The following ATP10B variants were observed in gnomAD, a reference collection of about 807,000 sequenced individuals.
ATP10B encodes the protein phospholipid-transporting ATPase VB.
ATP10B carries 122 observed loss-of-function variants against 141.2 expected under a neutral mutation model. The observed-to-expected ratio is 0.86, with a 90% CI of 0.75 to 1.00. The LOEUF (loss-of-function observed/expected upper bound fraction) is 1.00, where lower values mean the gene tolerates loss of function less well. Ranked by LOEUF, ATP10B falls within the 50% of genes least tolerant of loss-of-function variation. The pLI, the probability that ATP10B is intolerant of heterozygous loss-of-function variation, is 0.00. For synonymous variants in ATP10B, 685 were observed against 692.0 expected (o/e 0.99, Z 0.16); for missense variants, 1,876 against 1,825.3 (o/e 1.03, Z -0.51).
chr5:160,813,786 T>C (rs1047632179), intron 1 of ATP10B, among the ~76,000 whole-genome samples: 2 of 152,148 alleles, frequency 1.3e-5, no homozygotes, highest in African/African-American at 4.8e-5. Context: ...GAGACAAAAC[T>C]TCTGGAGGAA....
chr5:160,723,781 C>G (rs774392958), intron 2 of ATP10B, among the ~76,000 whole-genome samples: 4 of 152,148 alleles, frequency 2.6e-5, no homozygotes, highest in African/African-American at 4.8e-5. Context: ...TATCTCCTAC[C>G]TGATTGCACT....
intron 3 of ATP10B, chr5:160,692,637 A>C (rs1764135875): frequency 6.6e-6 from 1 of 152,256 alleles, no homozygotes. Flanking sequence ...TCAGATTCTG[A>C]AGTCCGGTGA....
At chr5:160,675,912 A>C (rs1763005772) in intron 6 of ATP10B, among the ~76,000 whole-genome samples, 1 of 152,072 alleles carries the variant, frequency 6.6e-6, no homozygotes, top group East Asian at 1.9e-4. Context: ...CTGGGCTGGA[A>C]ATAGTGGAGG....
At chr5:160,737,436 T>C (rs1368014488) in intron 2 of ATP10B, among the ~76,000 whole-genome samples, 1 of 152,052 alleles carries the variant, frequency 6.6e-6, no homozygotes, top group Non-Finnish European at 1.5e-5. Context: ...ATAAAAGACA[T>C]CCAAACTGGA....
At chr5:160,610,748 A>G (rs749632323) in intron 18 of ATP10B, among the ~76,000 whole-genome samples, 25 of 152,322 alleles carry the variant, frequency 1.6e-4, no homozygotes, top group Non-Finnish European at 3.5e-4. Context: ...ATTATTAACA[A>G]TATTGCAATA....
chr5:160,767,184 T>C lies in ATP10B; in HGVS notation c.-331+18375A>G, dbSNP rs138085979. 7.9e-3 allele frequency among the ~76,000 whole-genome samples: 1,208 copies of C among 152,346 alleles called. 6 individuals are homozygous for C. The highest frequency in any genetic ancestry group is 0.017 in the Middle Eastern group (5 of 294). On this transcript the variant is annotated intron_variant, in intron 2 of 25. Coordinates refer to ENST00000327245, the MANE Select transcript of ATP10B (RefSeq NM_025153.3). ...TTAATACATTTGTGTTGGGCTGCAT[T>C]CTAAGCTGCTCTGGGTAACGGGTTG...
intron 2 of ATP10B, among the ~76,000 whole-genome samples, chr5:160,769,652 C>A (rs11958424): frequency 0.21 from 31,548 of 152,172 alleles, 3,916 homozygotes; most frequent in East Asian, 0.51. Flanking sequence ...CTAGTTGTAG[C>A]AGCAAATGTC....
chr5:160,865,925 G>A, the ATP10B span, among the ~76,000 whole-genome samples: 1 of 152,106 alleles, frequency 6.6e-6, no homozygotes, highest in Non-Finnish European at 1.5e-5. Flanking sequence ...AGATGTTGGT[G>A]TGGATGTGGT....
At chr5:160,790,013 A>C (rs1489026432) in intron 1 of ATP10B, among the ~76,000 whole-genome samples, 1 of 152,098 alleles carries the variant, frequency 6.6e-6, no homozygotes, top group Non-Finnish European at 1.5e-5. Flanking sequence ...TGTCCCAGGG[A>C]CCTAACACTG....
At chr5:160,775,676 ATTTTTTTTTT>A (rs10642787) in intron 2 of ATP10B, among the ~76,000 whole-genome samples, 3 of 116,822 alleles carry the variant, frequency 2.6e-5, no homozygotes, top group Admixed American at 9.5e-5. Flanking sequence ...CAAGTTTCAG[ATTTTTTTTTT>A]TTTTTTTTTT....
intron 1 of ATP10B, among the ~76,000 whole-genome samples, chr5:160,786,642 A>T (rs1353407490): frequency 1.3e-5 from 2 of 152,132 alleles, no homozygotes; most frequent in Non-Finnish European, 1.5e-5. Flanking sequence ...ACTCATTGCT[A>T]ACTTTACTGA....
chr5:160,899,985 T>TA, the ATP10B span, among the ~76,000 whole-genome samples: 1 of 152,162 alleles, frequency 6.6e-6, no homozygotes, highest in Admixed American at 6.5e-5. Flanking sequence ...AGGGAAGCCT[T>TA]CCAGCCCAGA....
chr5:160,790,170 T>C (rs1323116726), intron 1 of ATP10B, among the ~76,000 whole-genome samples: 1 of 152,172 alleles, frequency 6.6e-6, no homozygotes, highest in East Asian at 1.9e-4. Context: ...GTCACCTTAT[T>C]TTCTTTAAAG....
chr5:160,707,427 A>G (rs936972722), intron 3 of ATP10B, among the ~76,000 whole-genome samples: 1 of 152,240 alleles, frequency 6.6e-6, no homozygotes, highest in Non-Finnish European at 1.5e-5. Flanking sequence ...GCCAATCACA[A>G]CTTTCTTGCT....
At chr5:160,620,123 C>T (rs945227838) in intron 15 of ATP10B, among the ~76,000 whole-genome samples, 1 of 152,222 alleles carries the variant, frequency 6.6e-6, no homozygotes, top group African/African-American at 2.4e-5. Flanking sequence ...CAAGACTGTA[C>T]AGTCTTTAAA....
intron 17 of ATP10B, among the ~76,000 whole-genome samples, chr5:160,613,249 A>G (rs1757821690): frequency 6.6e-6 from 1 of 152,198 alleles, no homozygotes; most frequent in Non-Finnish European, 1.5e-5. Flanking sequence ...CCTGGGAGAT[A>G]ATGCAAAGAG....
At chr5:160,568,634 A>G (rs1223571267) in intron 25 of ATP10B, among the ~76,000 whole-genome samples, 3 of 152,218 alleles carry the variant, frequency 2.0e-5, no homozygotes, top group African/African-American at 7.2e-5. Flanking sequence ...AGCTCTGACT[A>G]TGATCTGTGG....
chr5:160,742,625 A>G lies in ATP10B; in HGVS notation c.-330-25591T>C, dbSNP rs558530858. On this transcript the variant is annotated intron_variant, in intron 2 of 25. Transcript: ENST00000327245. ...GTTCTTTTCTCCCCTGTCATTCTGA[A>G]CTCAAGTGCAGCCACTTCAGATGAG... is the stretch of plus-strand genomic sequence containing the variant. Among the ~76,000 whole-genome samples the G allele has an allele frequency of 2.0e-5, 3 of 152,360 alleles. No individual in the cohort carries two copies. The East Asian group carries it at 5.8e-4, about 29-fold the overall frequency.
chr5:160,630,364 G>GGACCAGGGAT (rs1173884760), intron 13 of ATP10B, among the ~76,000 whole-genome samples: 1 of 152,156 alleles, frequency 6.6e-6, no homozygotes, highest in Non-Finnish European at 1.5e-5. Flanking sequence ...TTTACTGCCT[G>GGACCAGGGAT]GACCAGGGAT....
Sources: allele counts gnomAD v4.1 joint callset (sites outside exome capture counted in the v4.1 genomes callset), GRCh38; gene constraint gnomAD v4.1.1; transcripts MANE v1.5; gene names NCBI Gene and HGNC (gene_info 2026-07-23, HGNC 2026-07-21).